Variants in DENND2C observed in about 807,000 individuals in gnomAD.
DENND2C encodes DENN domain containing 2C, also known as DENN domain-containing protein 2C.
A neutral mutation model predicts 112.4 loss-of-function variants in DENND2C; 72 were observed. The ratio of observed to expected loss-of-function variants is 0.64; its 90% CI spans 0.53 to 0.78. The LOEUF (loss-of-function observed/expected upper bound fraction) is 0.78. Ranked by LOEUF, DENND2C falls within the 30% of genes least tolerant of loss-of-function variation. The pLI, the probability that DENND2C is intolerant of heterozygous loss-of-function variation, is 0.00. For missense variants in DENND2C, 992 were observed against 1,113.8 expected, an observed-to-expected ratio of 0.89 and a Z score of 1.56; for synonymous variants, 329 against 381.6, an observed-to-expected ratio of 0.86 and a Z score of 1.61.
intron 1 of DENND2C, among the ~76,000 whole-genome samples, chr1:114,655,490 T>C (rs1163244885): frequency 1.3e-5 from 2 of 152,102 alleles, no homozygotes; most frequent in Non-Finnish European, 2.9e-5. Context: ...AAAAATTTTT[T>C]TGTTGTTGTT....
chr1:114,612,395 AGG>A (rs1655846230), intron 8 of DENND2C, among the ~76,000 whole-genome samples: 1 of 149,386 alleles, frequency 6.7e-6, no homozygotes, highest in Non-Finnish European at 1.5e-5. Context: ...TCTGCTGCAC[AGG>A]CTACAGTGCA....
intron 1 of DENND2C, among the ~76,000 whole-genome samples, chr1:114,655,489 T>G (rs538248362): frequency 6.6e-5 from 10 of 152,240 alleles, no homozygotes; most frequent in South Asian, 4.1e-4. Context: ...AAAAAATTTT[T>G]TTGTTGTTGT....
Position 114,585,468 on chromosome 1 carries a change from C to G in DENND2C, c.*132G>C. ...CAGCAACAGGAGAATCCTCCTCTAA[C>G]AGCCTGACTCGCTCTTTAACCTTTT... On this transcript the variant is annotated 3_prime_UTR_variant, in exon 21 of 21. Transcript: ENST00000393274. 1.1e-6 allele frequency: 1 copy of G among 922,456 alleles called. No homozygotes were observed. 57.1% of individuals were successfully genotyped at this position (922,456 alleles called of 1,614,324 possible).
intron 18 of DENND2C, among the ~76,000 whole-genome samples, chr1:114,593,567 T>C (rs1430154663): frequency 6.6e-6 from 1 of 152,120 alleles, no homozygotes; most frequent in Non-Finnish European, 1.5e-5. Context: ...GAAGGATTGC[T>C]TGAGACCAGG....
intron 10 of DENND2C, among the ~76,000 whole-genome samples, chr1:114,606,296 T>C (rs774442921): frequency 3.3e-5 from 5 of 152,222 alleles, no homozygotes; most frequent in Middle Eastern, 3.2e-3. Flanking sequence ...TCAGGCTACA[T>C]TGAGAAATTT....
chr1:114,625,771 C>T lies in DENND2C; in HGVS notation c.214G>A (p.Asp72Asn), dbSNP rs1229574398. 1.2e-6 allele frequency: 2 copies of T among 1,613,946 alleles called. No individual in the cohort carries two copies. Among genetic ancestry groups the T allele is most frequent in the Non-Finnish European group, 1.7e-6 (2 of 1,180,006 alleles). The part of the protein sequence containing the change: ...PIAERKSKNL[D>N]VTSRENVGLD... ...CCCACATTTTCACGGCTGGTTACAT[C>T]CAAGTTTTTGCTCTTTCTCTCAGCT... Residue 72 changes from aspartate (D) to asparagine (N), a missense_variant, in exon 4 of 21, where the codon GAT becomes AAT. Asp to Asn is a conservative substitution (Grantham distance 23). Around this residue, in one of 3 missense-constraint regions of DENND2C, gnomAD observed 470 missense variants for 472.7 expected, o/e 0.99. Coordinates refer to ENST00000393274, the MANE Select transcript of DENND2C (RefSeq NM_001256404.2).
Position 114,600,258 on chromosome 1 carries a change from A to C in DENND2C, c.2051T>G (p.Val684Gly). ...KCLSVCHLIR[V>G]CASLLLERRV... ...ACGCTCCAAAAGGAGAGAGGCACAG[A>C]CCCGGATGAGATGACACACACTCAG... Residue 684 changes from valine to glycine, a missense_variant, in exon 15 of 21, where the codon GTC becomes GGC. Coordinates refer to ENST00000393274, the MANE Select transcript of DENND2C (RefSeq NM_001256404.2). 6.2e-7 allele frequency: 1 copy of C among 1,614,120 alleles called. No homozygotes were observed. The highest frequency in any genetic ancestry group is 8.5e-7 in the Non-Finnish European group (1 of 1,180,022).
intron 17 of DENND2C, 69 bp downstream of exon 17, chr1:114,595,763 T>C: frequency 7.2e-7 from 1 of 1,380,920 alleles, no homozygotes; most frequent in Non-Finnish European, 1.0e-6. Context: ...CTTTCACATA[T>C]TGTCTGTCCA....
chr1:114,635,851 TA>T (rs933455792), intron 3 of DENND2C, among the ~76,000 whole-genome samples: 1 of 151,602 alleles, frequency 6.6e-6, no homozygotes. Flanking sequence ...ACTAAAAATA[TA>T]AAAAGTAGCC....
chr1:114,615,955 A>G (rs1443492659), intron 8 of DENND2C, among the ~76,000 whole-genome samples: 1 of 152,076 alleles, frequency 6.6e-6, no homozygotes, highest in Admixed American at 6.6e-5. Flanking sequence ...GGCACCTGTA[A>G]TCCCAGCTAC....
Position 114,625,713 on chromosome 1 carries a change from T to G in DENND2C, c.272A>C (p.Asp91Ala), listed in dbSNP as rs369506653. Residue 91 changes from aspartate to alanine, a missense_variant, in exon 4 of 21, where the codon GAT becomes GCT. This residue lies in a region of DENND2C where 470 missense variants were observed against 472.7 expected (regional missense o/e 0.99). Coordinates refer to ENST00000393274, the MANE Select transcript of DENND2C (RefSeq NM_001256404.2). ...TTTCTTATTTTCATTCTCACTTTGA[T>G]CATGGCTTTTGGTATTTTCATTTAT... ...LDINENTKSH[D>A]QSENENKKHE... The G allele has an allele frequency of 2.5e-6, 4 of 1,614,010 alleles. No individual in the cohort carries two copies. The African/African-American group carries it at 5.3e-5, about 22-fold the overall frequency.
chr1:114,669,633 C>G (rs185228132), intron 1 of DENND2C, among the ~76,000 whole-genome samples: 51 of 152,306 alleles, frequency 3.3e-4, no homozygotes, highest in Admixed American at 3.2e-3. Flanking sequence ...TTTCCCCAGG[C>G]TGCCGGGCGC....
In DENND2C at chr1:114,594,501, G is replaced by T. The variant is rs775983418; in HGVS notation, c.2403C>A (p.Ile801=). 5.0e-6 allele frequency: 8 copies of T among 1,613,846 alleles called. No homozygotes were observed. Among genetic ancestry groups the T allele is most frequent in the Admixed American group, 3.3e-5 (2 of 59,992 alleles). The change falls in exon 18 of 21, where the codon ATC becomes ATA. Residue 801 remains isoleucine (I), a synonymous_variant. Coordinates refer to ENST00000393274, the MANE Select transcript of DENND2C (RefSeq NM_001256404.2). ...LMQILEERNE[I]LTQEQNFSQD... is the part of the protein sequence containing the mutation. ...GTGAAAAATTCTGCTCCTGAGTCAAGATTTCATTTCGTTCTTCCAAAATCT... is the reference window on the plus strand; with the variant it reads ...GTGAAAAATTCTGCTCCTGAGTCAATATTTCATTTCGTTCTTCCAAAATCT...
intron 1 of DENND2C, among the ~76,000 whole-genome samples, chr1:114,662,699 C>T (rs556394981): frequency 1.3e-5 from 2 of 152,190 alleles, no homozygotes; most frequent in South Asian, 2.1e-4. Context: ...ATAATGGCTT[C>T]GTACCCCCAG....
At chr1:114,648,404 G>A (rs1407306578) in intron 2 of DENND2C, among the ~76,000 whole-genome samples, 1 of 152,206 alleles carries the variant, frequency 6.6e-6, no homozygotes, top group Non-Finnish European at 1.5e-5. Context: ...AACAATAGGA[G>A]TCGAATACCC....
At chr1:114,612,428 T>C (rs1028602386) in intron 8 of DENND2C, among the ~76,000 whole-genome samples, 1 of 151,246 alleles carries the variant, frequency 6.6e-6, no homozygotes, top group Non-Finnish European at 1.5e-5. Flanking sequence ...CTTGGCTCAC[T>C]GCAACCTCTG....
intron 3 of DENND2C, among the ~76,000 whole-genome samples, chr1:114,631,015 G>A (rs931607689): frequency 1.3e-5 from 2 of 152,190 alleles, no homozygotes; most frequent in African/African-American, 4.8e-5. Context: ...TGAAATTTAA[G>A]TACTCACAAA....
chr1:114,611,229 C>CTGCTGAG, intron 8 of DENND2C, 112 bp from the exon 9 acceptor site: 3 of 1,181,010 alleles, frequency 2.5e-6, no homozygotes, highest in Non-Finnish European at 3.7e-6. Flanking sequence ...AATAATAAAG[C>CTGCTGAG]TGCTGAGCCT....
Position 114,585,323 on chromosome 1 carries a change from C to G in DENND2C, c.*277G>C, listed in dbSNP as rs1189784059. ...CACAACTACTTTCACAGACAAAGCA[C>G]AAAACAGAGAATGAGCCCAAGAATC... On this transcript the variant is annotated 3_prime_UTR_variant, in exon 21 of 21. Transcript: ENST00000393274. 7.6e-6 allele frequency: 3 copies of G among 392,488 alleles called. No individual in the cohort carries two copies. The highest frequency in any genetic ancestry group is 9.2e-6 in the Non-Finnish European group (2 of 216,324). The allele number at this position is 392,488 out of a possible 1,614,324, so 24.3% of individuals were successfully genotyped here.
Sources: gnomAD v4.1 joint callset for allele counts (sites outside exome capture counted in the v4.1 genomes callset) on GRCh38, gnomAD v4.1.1 for gene constraint, gnomAD v4.1.1 regional missense constraint, MANE v1.5 for transcripts, NCBI Gene and HGNC (gene_info 2026-07-23, HGNC 2026-07-21) for gene names.